Variants in FAM117B observed in about 807,000 individuals in gnomAD.
The protein encoded by FAM117B is family with sequence similarity 117 member B.
In FAM117B, 22 loss-of-function variants were observed where a neutral mutation model predicts 52.8. The observed-to-expected ratio is 0.42, with a 90% CI of 0.30 to 0.59. The LOEUF (loss-of-function observed/expected upper bound fraction) is 0.59. Ranked by LOEUF, FAM117B falls within the 20% of genes least tolerant of loss-of-function variation. FAM117B has a pLI of 0.22. For missense variants in FAM117B, 678 were observed against 802.6 expected, an observed-to-expected ratio of 0.84 and a Z score of 1.88; for synonymous variants, 309 against 324.1, an observed-to-expected ratio of 0.95 and a Z score of 0.50.
chr2:202,760,994 A>G (rs1203402992), intron 7 of FAM117B, among the ~76,000 whole-genome samples: 1 of 151,306 alleles, frequency 6.6e-6, no homozygotes, highest in East Asian at 2.0e-4. Context: ...TGCAGCCTTG[A>G]CCTCCCCGGG....
intron 2 of FAM117B, among the ~76,000 whole-genome samples, chr2:202,715,540 C>T (rs1304333937): frequency 7.6e-4 from 115 of 150,620 alleles, no homozygotes; most frequent in Admixed American, 1.4e-3. Context: ...CGGGCAGAGA[C>T]GCTCCTCACT....
chr2:202,679,894 A>T (rs1198553698), intron 1 of FAM117B, among the ~76,000 whole-genome samples: 2 of 152,362 alleles, frequency 1.3e-5, no homozygotes, highest in East Asian at 3.8e-4. Context: ...AGACTATGAG[A>T]TAATAGAGAT....
chr2:202,715,395 A>G (rs973026806), intron 2 of FAM117B, among the ~76,000 whole-genome samples: 12 of 147,908 alleles, frequency 8.1e-5, no homozygotes, highest in Non-Finnish European at 1.3e-4. Flanking sequence ...GGGGCTCCTC[A>G]CTTCTCAGAC....
intron 1 of FAM117B, among the ~76,000 whole-genome samples, chr2:202,642,031 C>T (rs1689778014): frequency 6.7e-6 from 1 of 149,874 alleles, no homozygotes; most frequent in African/African-American, 2.5e-5. Flanking sequence ...CAACCTCCGC[C>T]TCCCAGGTTC....
At chr2:202,662,134 GTGTGTA>G (rs1181834335) in intron 1 of FAM117B, among the ~76,000 whole-genome samples, 8 of 151,700 alleles carry the variant, frequency 5.3e-5, no homozygotes, top group East Asian at 1.9e-4. Context: ...GTGTGTGTGT[GTGTGTA>G]TGTGTGTATG....
At chr2:202,735,940 A>G (rs1265346767) in intron 4 of FAM117B, among the ~76,000 whole-genome samples, 2 of 152,150 alleles carry the variant, frequency 1.3e-5, no homozygotes, top group African/African-American at 2.4e-5. Context: ...CCCCCGAGGT[A>G]AGAATTTTAA....
chr2:202,639,333 T>C (rs1457315698), intron 1 of FAM117B, among the ~76,000 whole-genome samples: 1 of 152,208 alleles, frequency 6.6e-6, no homozygotes, highest in African/African-American at 2.4e-5. Context: ...AATTGGCTGG[T>C]GTAGAACTTC....
At chr2:202,660,236 T>C (rs952249344) in intron 1 of FAM117B, among the ~76,000 whole-genome samples, 1 of 151,964 alleles carries the variant, frequency 6.6e-6, no homozygotes, top group African/African-American at 2.4e-5. Context: ...TGGTGTCTCC[T>C]GCTTGTTTGT....
Position 202,731,808 on chromosome 2 carries a change from T to G in FAM117B, c.960+5445T>G, listed in dbSNP as rs937391627. Reference sequence around the variant, plus strand: ...TAGAGTGCAATGGCATGATCTTGGCTCATTGCAATCTCCGCCTACCAGGTT... The same window carrying G: ...TAGAGTGCAATGGCATGATCTTGGCGCATTGCAATCTCCGCCTACCAGGTT... On this transcript the variant is annotated intron_variant, in intron 4 of 7. Coordinates refer to ENST00000392238, the MANE Select transcript of FAM117B (RefSeq NM_173511.4). 6.6e-5 allele frequency among the ~76,000 whole-genome samples: 10 copies of G among 151,762 alleles called. No individual in the cohort carries two copies. The Middle Eastern group carries it at 0.01, about 155-fold the overall frequency.
chr2:202,732,331 A>G (rs536168279), intron 4 of FAM117B, among the ~76,000 whole-genome samples: 8 of 152,246 alleles, frequency 5.3e-5, no homozygotes, highest in Non-Finnish European at 8.8e-5. Flanking sequence ...AATTGAAAAT[A>G]TATGTCCACA....
chr2:202,659,319 G>A (rs1218514743), intron 1 of FAM117B, among the ~76,000 whole-genome samples: 1 of 150,342 alleles, frequency 6.7e-6, no homozygotes, highest in Non-Finnish European at 1.5e-5. Context: ...TTGGTTTTTT[G>A]TTTCTTTTGA....
chr2:202,724,770 G>A (rs1691212046), intron 2 of FAM117B, 147 bp from the exon 3 acceptor site: 2 of 451,958 alleles, frequency 4.4e-6, no homozygotes, highest in Admixed American at 4.1e-5. Context: ...AGTAACTGGT[G>A]CCAGGAGAAT....
intron 2 of FAM117B, among the ~76,000 whole-genome samples, chr2:202,715,674 T>C (rs1206442233): frequency 2.6e-5 from 4 of 151,600 alleles, no homozygotes; most frequent in Non-Finnish European, 4.4e-5. Flanking sequence ...ACTTCCCAGA[T>C]GGCATGGCGG....
At position 202,722,830 on chromosome 2, in the gene FAM117B, TA is replaced by T. The variant is rs953661344; in HGVS notation, c.754-2075del. Among the ~76,000 whole-genome samples, 328 of 147,184 alleles carry T rather than the reference TA, an allele frequency of 2.2e-3. 1 individual carries two copies. Among genetic ancestry groups the T allele is most frequent in the African/African-American group, 6.8e-3 (274 of 40,384 alleles). On this transcript the variant is annotated intron_variant, in intron 2 of 7. Coordinates refer to ENST00000392238, the MANE Select transcript of FAM117B (RefSeq NM_173511.4). ...TACATGTACCCTTGAACTTAAAAAT[TA>T]AAAAAAAAAAATTCATTTGTTAAGG...
Position 202,653,550 on chromosome 2 carries a change from A to G in FAM117B, c.601+17762A>G, listed in dbSNP as rs144127543. ...CTCTATTAGTTTGGAAGCTTTGAGT[A>G]TCACTGGATTTTGTCTGTCTTGAAA... On this transcript the variant is annotated intron_variant, in intron 1 of 7. Coordinates refer to ENST00000392238, the MANE Select transcript of FAM117B (RefSeq NM_173511.4). Among the ~76,000 whole-genome samples the G allele has an allele frequency of 5.1e-4, 78 of 152,248 alleles. 1 individual carries two copies. In the East Asian group the frequency reaches 0.014, roughly 28 times the overall value.
intron 4 of FAM117B, among the ~76,000 whole-genome samples, chr2:202,738,451 A>G (rs1481832203): frequency 6.6e-6 from 1 of 152,184 alleles, no homozygotes; most frequent in East Asian, 1.9e-4. Context: ...GAGAATTTAT[A>G]AAAAAAGAAG....
chr2:202,701,271 C>T (rs1341888543), intron 2 of FAM117B, among the ~76,000 whole-genome samples: 1 of 152,140 alleles, frequency 6.6e-6, no homozygotes. Flanking sequence ...GCATGATTTA[C>T]TGAATATTTT....
intron 1 of FAM117B, among the ~76,000 whole-genome samples, chr2:202,636,691 C>T (rs540271900): frequency 2.0e-5 from 3 of 152,232 alleles, no homozygotes; most frequent in East Asian, 3.9e-4. Flanking sequence ...TTTTTACTTA[C>T]GTATTCATTT....
At chr2:202,654,053 G>T (rs1466136635) in intron 1 of FAM117B, among the ~76,000 whole-genome samples, 1 of 139,262 alleles carries the variant, frequency 7.2e-6, no homozygotes, top group Non-Finnish European at 1.5e-5. Flanking sequence ...GGTGCGGGAA[G>T]AGAGTGAGTG....
Sources: allele counts gnomAD v4.1 joint callset (sites outside exome capture counted in the v4.1 genomes callset), GRCh38; gene constraint gnomAD v4.1.1; transcripts MANE v1.5; gene names NCBI Gene and HGNC (gene_info 2026-07-23, HGNC 2026-07-21).